The following KAZN variants were observed in gnomAD, a reference collection of about 807,000 sequenced individuals.
KAZN encodes the protein kazrin, periplakin interacting protein, also known as kazrin.
Under a neutral mutation model 87.4 loss-of-function variants are expected in KAZN, and 40 were observed. That is an observed-to-expected ratio of 0.46 (90% CI 0.36 to 0.60). The LOEUF (loss-of-function observed/expected upper bound fraction) is 0.60, where lower values mean the gene tolerates loss of function less well. Among genes scored for constraint, KAZN ranks in the 20% least tolerant of loss-of-function variants. KAZN has a pLI of 0.00. For synonymous variants in KAZN, 466 were observed against 458.3 expected (o/e 1.02, Z -0.22); for missense variants, 898 against 1,073.9 (o/e 0.84, Z 2.29).
At chr1:14,679,778 A>C (rs1169370149) in intron 1 of KAZN, among the ~76,000 whole-genome samples, 1 of 152,160 alleles carries the variant, frequency 6.6e-6, no homozygotes, top group East Asian at 1.9e-4. Flanking sequence ...TCACTTGGCT[A>C]GTCGGATAGG....
intron 1 of KAZN, among the ~76,000 whole-genome samples, chr1:14,770,046 C>A (rs1486998807): frequency 6.6e-6 from 1 of 152,112 alleles, no homozygotes; most frequent in African/African-American, 2.4e-5. Flanking sequence ...TGAACCAGGA[C>A]CTCAGAGAAT....
chr1:14,341,691 C>A (rs1322852354), intron 2 of KAZN, among the ~76,000 whole-genome samples: 1 of 152,164 alleles, frequency 6.6e-6, no homozygotes, highest in Non-Finnish European at 1.5e-5. Flanking sequence ...CCTCCTAGCA[C>A]CCATATGGGG....
intron 2 of KAZN, among the ~76,000 whole-genome samples, chr1:14,392,765 C>CA (rs1214840098): frequency 1.3e-5 from 2 of 152,016 alleles, no homozygotes; most frequent in African/African-American, 2.4e-5. Context: ...GGTGGGGGGA[C>CA]AAAACTGCAC....
At chr1:14,239,455 CTTTTTTTTTTTTTTT>C (rs386366265) in intron 2 of KAZN, among the ~76,000 whole-genome samples, 1 of 95,708 alleles carries the variant, frequency 1.0e-5, no homozygotes, top group Non-Finnish European at 2.0e-5. Flanking sequence ...AGTTGGGTTT[CTTTTTTTTTTTTTTT>C]TTTTTTTGAG....
Position 14,216,154 on chromosome 1 carries a change from G to A in KAZN, c.249+35562G>A, listed in dbSNP as rs1646953081. ...GAGACAAATCATTAATAGCAACAAG[G>A]GCCCACATTATATCAGCCATAATTT... On this transcript the variant is annotated intron_variant, in intron 2 of 16. Transcript: ENST00000636203. Among the ~76,000 whole-genome samples, 4 of 152,006 alleles carry A rather than the reference G, an allele frequency of 2.6e-5. No homozygotes were observed. In the South Asian group the frequency reaches 8.3e-4, roughly 32 times the overall value.
chr1:14,614,575 C>T (rs760213603), intron 1 of KAZN, among the ~76,000 whole-genome samples: 12 of 152,220 alleles, frequency 7.9e-5, no homozygotes, highest in Admixed American at 1.3e-4. Context: ...GCACCTCCCG[C>T]GCTGGGTTTA....
At chr1:13,988,751 A>G (rs188338719) in intron 1 of KAZN, among the ~76,000 whole-genome samples, 45 of 152,308 alleles carry the variant, frequency 3.0e-4, no homozygotes, top group African/African-American at 8.9e-4. Flanking sequence ...GAAAAACAAA[A>G]GTAGCTATTG....
intron 1 of KAZN, among the ~76,000 whole-genome samples, chr1:14,044,911 C>T (rs545145719): frequency 8.5e-5 from 13 of 152,112 alleles, no homozygotes; most frequent in East Asian, 5.8e-4. Context: ...CAGCTTCTGC[C>T]GGGGTAGATC....
chr1:14,565,971 T>G (rs1674525791), intron 2 of KAZN, among the ~76,000 whole-genome samples: 2 of 152,220 alleles, frequency 1.3e-5, no homozygotes, highest in Admixed American at 6.5e-5. Context: ...TCTTCCAAAC[T>G]CCTTTTAATG....
At chr1:14,409,936 CAT>C in intron 2 of KAZN, among the ~76,000 whole-genome samples, 1 of 152,128 alleles carries the variant, frequency 6.6e-6, no homozygotes, top group South Asian at 2.1e-4. Context: ...GATTAAAAGT[CAT>C]AATTAAAATT....
At chr1:15,082,693 G>A (rs1474291671) in intron 8 of KAZN, among the ~76,000 whole-genome samples, 1 of 152,070 alleles carries the variant, frequency 6.6e-6, no homozygotes, top group Non-Finnish European at 1.5e-5. Flanking sequence ...GTTTGTTTTT[G>A]TTTGTTTTGT....
In KAZN at chr1:14,146,553, A is replaced by AAAAAG. The variant is rs1428433674; in HGVS notation, c.92-33868_92-33864dup. On this transcript the variant is annotated intron_variant, in intron 1 of 16. Coordinates refer to the KAZN transcript ENST00000636203. ...CTCCATCTCAAAAAAAAAAAAAAAAAAAAAGAAAAGAAAAGAAAGAAAGAA... is the reference window on the plus strand; with the variant it reads ...CTCCATCTCAAAAAAAAAAAAAAAAAAAAAGAAAAGAAAAGAAAAGAAAGAAAGAA... 4.1e-5 allele frequency among the ~76,000 whole-genome samples: 6 copies of AAAAAG among 145,138 alleles called. No individual in the cohort carries two copies. The East Asian group carries it at 5.9e-4, about 14-fold the overall frequency.
At chr1:14,493,939 T>G (rs1055204749) in intron 2 of KAZN, among the ~76,000 whole-genome samples, 2 of 152,210 alleles carry the variant, frequency 1.3e-5, no homozygotes, top group Non-Finnish European at 2.9e-5. Context: ...GGGTTGTGTC[T>G]CAAGACAATT....
At chr1:14,063,966 G>C (rs188300847) in intron 1 of KAZN, among the ~76,000 whole-genome samples, 1 of 152,056 alleles carries the variant, frequency 6.6e-6, no homozygotes, top group Non-Finnish European at 1.5e-5. Context: ...GCCCAGGCTC[G>C]AGTGCAATGG....
chr1:14,826,635 A>G (rs944058196), intron 1 of KAZN, among the ~76,000 whole-genome samples: 5 of 151,986 alleles, frequency 3.3e-5, no homozygotes, highest in Non-Finnish European at 7.4e-5. Flanking sequence ...TCGGTTTCAC[A>G]TGCATGCCCC....
intron 2 of KAZN, among the ~76,000 whole-genome samples, chr1:14,287,754 T>C (rs1306523798): frequency 6.6e-6 from 1 of 152,224 alleles, no homozygotes; most frequent in Non-Finnish European, 1.5e-5. Context: ...CTCTGACTTG[T>C]GCCAGTTTTC....
At chr1:14,986,807 G>T (rs1666868644) in intron 2 of KAZN, among the ~76,000 whole-genome samples, 1 of 152,144 alleles carries the variant, frequency 6.6e-6, no homozygotes, top group Admixed American at 6.5e-5. Flanking sequence ...TTGACATGGG[G>T]GCCATTGGAC....
At chr1:14,622,689 C>CAAAA (rs3087165) in intron 1 of KAZN, among the ~76,000 whole-genome samples, 3 of 113,464 alleles carry the variant, frequency 2.6e-5, no homozygotes, top group Admixed American at 9.2e-5. Flanking sequence ...GACTCCATCT[C>CAAAA]AAAAAAAAAA....
At chr1:13,993,314 G>A (rs555153596) in intron 1 of KAZN, among the ~76,000 whole-genome samples, 33 of 152,288 alleles carry the variant, frequency 2.2e-4, no homozygotes, top group African/African-American at 7.7e-4. Context: ...TAAGTCCTAG[G>A]CTGATTGATA....
Sources: allele counts gnomAD v4.1 joint callset (sites outside exome capture counted in the v4.1 genomes callset), GRCh38; gene constraint gnomAD v4.1.1; transcripts MANE v1.5; gene names NCBI Gene and HGNC (gene_info 2026-07-23, HGNC 2026-07-21).